Variants in CRTC1 observed in about 807,000 individuals in gnomAD.
CRTC1 encodes CREB regulated transcription coactivator 1, also known as CREB-regulated transcription coactivator 1.
In CRTC1, 18 loss-of-function variants were observed where a neutral mutation model predicts 66.1. The ratio of observed to expected loss-of-function variants is 0.27; its 90% CI spans 0.19 to 0.40. The LOEUF is 0.40. CRTC1 is among the 10% of genes least tolerant of loss of function. CRTC1 has a pLI of 1.00. For synonymous variants in CRTC1, 416 were observed against 398.8 expected (o/e 1.04, Z -0.51); for missense variants, 669 against 887.9 (o/e 0.75, Z 3.13).
chr19:18,754,174 C>T (rs1442592468), intron 6 of CRTC1, among the ~76,000 whole-genome samples: 1 of 151,672 alleles, frequency 6.6e-6, no homozygotes, highest in African/African-American at 2.4e-5. Context: ...ATGCAAATTA[C>T]TCCTCCCCTA....
chr19:18,764,556 G>A (rs749030255), intron 8 of CRTC1, among the ~76,000 whole-genome samples: 3 of 152,280 alleles, frequency 2.0e-5, no homozygotes, highest in Non-Finnish European at 4.4e-5. Context: ...GGATTGGGTT[G>A]CTCAGTGCAA....
rs939444237 is a variant in CRTC1, at chr19:18,779,675, G to A, written c.*2293G>A. The A allele has an allele frequency of 8.9e-6, 2 of 225,072 alleles. No individual in the cohort carries two copies. The highest frequency in any genetic ancestry group is 1.8e-5 in the Non-Finnish European group (2 of 113,020). The allele number at this position is 225,072 out of a possible 1,614,324, so 13.9% of individuals were successfully genotyped here. Reference sequence around the variant, plus strand: ...CACTGCTTGTCCTCTGGTCTTCGGTGTGGACAGATAGGAGAGGAGGGATGC... The same window carrying A: ...CACTGCTTGTCCTCTGGTCTTCGGTATGGACAGATAGGAGAGGAGGGATGC... On this transcript the variant is annotated 3_prime_UTR_variant, in exon 14 of 14. Coordinates refer to ENST00000321949, the MANE Select transcript of CRTC1 (RefSeq NM_015321.3).
chr19:18,734,058 C>T (rs759088599), intron 1 of CRTC1, among the ~76,000 whole-genome samples: 48 of 151,876 alleles, frequency 3.2e-4, no homozygotes, highest in African/African-American at 8.7e-4. Flanking sequence ...GTCAAGATCG[C>T]GCCACTCCAC....
intron 3 of CRTC1, among the ~76,000 whole-genome samples, 168 bp downstream of exon 3, chr19:18,746,128 C>T (rs2054230592): frequency 1.3e-5 from 2 of 152,186 alleles, no homozygotes; most frequent in South Asian, 4.1e-4. Flanking sequence ...TGGGGGACTT[C>T]CTGGAGGAGG....
chr19:18,720,158 T>TTTTTG (rs890904514), intron 1 of CRTC1, among the ~76,000 whole-genome samples: 19 of 152,220 alleles, frequency 1.2e-4, no homozygotes, highest in East Asian at 9.7e-4. Context: ...AAAGTGAGTT[T>TTTTTG]TTTTGTTTTG....
intron 1 of CRTC1, among the ~76,000 whole-genome samples, chr19:18,703,565 C>T (rs753708342): frequency 3.3e-5 from 5 of 152,082 alleles, no homozygotes; most frequent in South Asian, 2.1e-4. Flanking sequence ...CAGGTTCAAG[C>T]GATTCTGGTG....
intron 6 of CRTC1, 148 bp from the exon 7 acceptor site, chr19:18,759,403 G>A (rs2054563208): frequency 2.5e-6 from 2 of 784,550 alleles, no homozygotes; most frequent in African/African-American, 3.5e-5. Context: ...CTCCATCTGT[G>A]GGGCTCTGCG....
Position 18,752,917 on chromosome 19 carries a change from C to T in CRTC1, c.539-583C>T, listed in dbSNP as rs1251714592. Among the ~76,000 whole-genome samples the T allele has an allele frequency of 4.0e-5, 6 of 151,402 alleles. No individual in the cohort carries two copies. In the East Asian group the frequency reaches 5.9e-4, roughly 15 times the overall value. ...CCTCCCAAAGTGCTGGGATTACAGG[C>T]GTGAGCCACCACGCCCAGCCTATTT... On this transcript the variant is annotated intron_variant, in intron 5 of 13. Coordinates refer to ENST00000321949, the MANE Select transcript of CRTC1 (RefSeq NM_015321.3).
chr19:18,727,916 G>A (rs1364383182), intron 1 of CRTC1, among the ~76,000 whole-genome samples: 1 of 151,990 alleles, frequency 6.6e-6, no homozygotes, highest in African/African-American at 2.4e-5. Flanking sequence ...AGTAGAGATG[G>A]GGTTTCACCA....
At chr19:18,740,961 C>T (rs139248347) in intron 1 of CRTC1, among the ~76,000 whole-genome samples, 420 of 152,092 alleles carry the variant, frequency 2.8e-3, no homozygotes, top group African/African-American at 9.4e-3. Flanking sequence ...GCCAAGATGG[C>T]GCCACTGCAC....
chr19:18,731,864 C>G (rs2053897172), intron 1 of CRTC1, among the ~76,000 whole-genome samples: 1 of 152,194 alleles, frequency 6.6e-6, no homozygotes, highest in African/African-American at 2.4e-5. Flanking sequence ...ACACTTGGCC[C>G]TTTAGGGCTA....
At chr19:18,753,399 G>C in intron 5 of CRTC1, 101 bp from the exon 6 acceptor site, 1 of 819,274 alleles carries the variant, frequency 1.2e-6, no homozygotes, top group African/African-American at 1.7e-5. Flanking sequence ...TCTTACCATG[G>C]CCATGACTCC....
At chr19:18,723,427 C>T (rs934888225) in intron 1 of CRTC1, among the ~76,000 whole-genome samples, 3 of 152,196 alleles carry the variant, frequency 2.0e-5, no homozygotes, top group Non-Finnish European at 2.9e-5. Context: ...AGCATCCTTG[C>T]TTCTGAAGAC....
rs60907638 is a variant in CRTC1 at position 18,727,580 on chromosome 19, C to CAAAAAAA, written c.127-15319_127-15313dup. On this transcript the variant is annotated intron_variant, in intron 1 of 13. Coordinates refer to ENST00000321949, the MANE Select transcript of CRTC1 (RefSeq NM_015321.3). The stretch of plus-strand genomic sequence containing the variant: ...TGGGTGACAGAGCAAGACTCTGTCT[C>CAAAAAAA]AAAAAAAAAAAAAAAAAGAAGAAGA... 3.3e-4 allele frequency among the ~76,000 whole-genome samples: 17 copies of CAAAAAAA among 51,812 alleles called. 2 individuals are homozygous for CAAAAAAA. The highest frequency in any genetic ancestry group is 5.8e-4 in the African/African-American group (7 of 12,098). 34.0% of individuals were successfully genotyped at this position (51,812 alleles called of 152,430 possible).
intron 1 of CRTC1, among the ~76,000 whole-genome samples, chr19:18,691,641 C>T (rs1025359172): frequency 6.6e-6 from 1 of 152,004 alleles, no homozygotes; most frequent in Non-Finnish European, 1.5e-5. Flanking sequence ...TGCCCAGAGC[C>T]CCCAGAAGCT....
At position 18,778,433 on chromosome 19, in the gene CRTC1, T is replaced by C. The variant is rs1601035408; in HGVS notation, c.*1051T>C. The C allele has an allele frequency of 1.7e-5, 4 of 231,888 alleles. No individual in the cohort carries two copies. The East Asian group carries it at 2.4e-4, about 14-fold the overall frequency. 14.4% of individuals were successfully genotyped at this position (231,888 alleles called of 1,614,324 possible). A position where few individuals can be genotyped will look rare whatever the true frequency, so the allele number is the denominator to read the frequency against. ...TTAAGCTAACTGGAAATGGAGGCCA[T>C]GCGCCCCAAAGCAGCCCGCCACCCA... is the stretch of plus-strand genomic sequence containing the variant. On this transcript the variant is annotated 3_prime_UTR_variant, in exon 14 of 14. Transcript: ENST00000321949.
At chr19:18,708,538 C>G (rs986147468) in intron 1 of CRTC1, among the ~76,000 whole-genome samples, 1 of 152,164 alleles carries the variant, frequency 6.6e-6, no homozygotes. Context: ...CATGACGAGC[C>G]TGGTGAGGGG....
intron 1 of CRTC1, among the ~76,000 whole-genome samples, chr19:18,732,536 G>C (rs558964585): frequency 6.6e-6 from 1 of 152,350 alleles, no homozygotes; most frequent in East Asian, 1.9e-4. Context: ...ATGGCAGCCT[G>C]GGCTGCTAAG....
intron 2 of CRTC1, among the ~76,000 whole-genome samples, chr19:18,743,828 C>A (rs1339632213): frequency 6.6e-6 from 1 of 152,276 alleles, no homozygotes; most frequent in Non-Finnish European, 1.5e-5. Flanking sequence ...TGCGGGCCAT[C>A]ACTGATGCTG....
Sources: gnomAD v4.1 joint callset for allele counts (sites outside exome capture counted in the v4.1 genomes callset) on GRCh38, gnomAD v4.1.1 for gene constraint, MANE v1.5 for transcripts, NCBI Gene and HGNC (gene_info 2026-07-23, HGNC 2026-07-21) for gene names.